TANC1: variants seen among roughly 807,000 people sequenced by gnomAD.
TANC1 encodes the protein tetratricopeptide repeat, ankyrin repeat and coiled-coil containing 1.
In TANC1, 77 loss-of-function variants were observed where a neutral mutation model predicts 149.7. The observed-to-expected ratio is 0.51, with a 90% CI of 0.43 to 0.62. TANC1 has a LOEUF of 0.62. TANC1 is among the 20% of genes least tolerant of loss of function. The pLI is 0.00. For missense variants in TANC1, 1,985 were observed against 2,321.8 expected, an observed-to-expected ratio of 0.85 and a Z score of 2.98; for synonymous variants, 854 against 925.0, an observed-to-expected ratio of 0.92 and a Z score of 1.39.
chr2:159,089,890 G>A (rs1291888410), intron 3 of TANC1, among the ~76,000 whole-genome samples: 2 of 152,198 alleles, frequency 1.3e-5, no homozygotes, highest in African/African-American at 4.8e-5. Flanking sequence ...ATGTCACTTC[G>A]AGCACATGCT....
At position 159,046,589 on chromosome 2, in the gene TANC1, CTTTTTTT is replaced by C. The variant is rs57208685; in HGVS notation, c.-15-19285_-15-19279del. Among the ~76,000 whole-genome samples, 346 of 84,378 alleles carry C rather than the reference CTTTTTTT, an allele frequency of 4.1e-3. 1 individual carries two copies. The highest frequency in any genetic ancestry group is 0.017 in the African/African-American group (308 of 18,348). 55.4% of individuals were successfully genotyped at this position (84,378 alleles called of 152,430 possible). A position where few individuals can be genotyped will look rare whatever the true frequency, so the allele number is the denominator to read the frequency against. ...ATGCACCATTCTTTTCTTTTCTTTA[CTTTTTTT>C]TTTTTTTTTTTTTTTTTTTTTGAGG... is the stretch of plus-strand genomic sequence containing the variant. On this transcript the variant is annotated intron_variant, in intron 2 of 26. Transcript: ENST00000263635.
chr2:158,978,649 C>A (rs769717959), intron 1 of TANC1, among the ~76,000 whole-genome samples: 1 of 152,128 alleles, frequency 6.6e-6, no homozygotes, highest in Non-Finnish European at 1.5e-5. Flanking sequence ...GCGATAACTC[C>A]CCAGGGTAGG....
intron 5 of TANC1, among the ~76,000 whole-genome samples, chr2:159,144,398 C>CGGAG (rs2051812168): frequency 6.6e-6 from 1 of 152,100 alleles, no homozygotes; most frequent in South Asian, 2.1e-4. Flanking sequence ...TTTTCTGAGA[C>CGGAG]GGAGTCTCGC....
chr2:159,210,974 C>G (rs1218499064), intron 19 of TANC1, among the ~76,000 whole-genome samples: 1 of 151,962 alleles, frequency 6.6e-6, no homozygotes, highest in African/African-American at 2.4e-5. Flanking sequence ...CAGGTTCAAG[C>G]GATTCTCTTG....
rs182332807 is a variant in TANC1, at chr2:159,016,539, G to A, written c.-16+15350G>A. 4.8e-4 allele frequency among the ~76,000 whole-genome samples: 72 copies of A among 151,288 alleles called. 1 individual carries two copies. Among genetic ancestry groups the A allele is most frequent in the Middle Eastern group, 6.8e-3 (2 of 294 alleles). Reference sequence around the variant, plus strand: ...TACCTTCCTCTGCCCTGTTTAATAAGTATTTTTTTTTAGTTTATATGCAGC... The same window carrying A: ...TACCTTCCTCTGCCCTGTTTAATAAATATTTTTTTTTAGTTTATATGCAGC... On this transcript the variant is annotated intron_variant, in intron 2 of 26. Transcript: ENST00000263635.
intron 22 of TANC1, among the ~76,000 whole-genome samples, chr2:159,223,142 G>A (rs1011790551): frequency 1.3e-5 from 2 of 152,132 alleles, no homozygotes; most frequent in Non-Finnish European, 2.9e-5. Context: ...CTGACCTCAG[G>A]TGATTGCCTG....
chr2:159,184,653 G>T lies in TANC1; in HGVS notation c.2511-1138G>T, dbSNP rs1450893584. Among the ~76,000 whole-genome samples, 3 of 152,124 alleles carry T rather than the reference G, an allele frequency of 2.0e-5. No individual in the cohort carries two copies. In the East Asian group the frequency reaches 5.8e-4, roughly 29 times the overall value. On this transcript the variant is annotated intron_variant, in intron 14 of 26. Coordinates refer to ENST00000263635, the MANE Select transcript of TANC1 (RefSeq NM_033394.3). ...GGGTAGGACCTGGGGAGGCCTTGGG[G>T]GCCTAGAGCACTAGAGAGATGCTGA...
At chr2:159,013,426 A>G (rs1298801850) in intron 2 of TANC1, among the ~76,000 whole-genome samples, 5 of 152,138 alleles carry the variant, frequency 3.3e-5, no homozygotes, top group South Asian at 4.1e-4. Flanking sequence ...AAAATTGGCT[A>G]TGCATTTGTT....
At chr2:159,096,115 T>C (rs879397385) in intron 3 of TANC1, among the ~76,000 whole-genome samples, 1 of 152,152 alleles carries the variant, frequency 6.6e-6, no homozygotes, top group Non-Finnish European at 1.5e-5. Context: ...ATCTTTCAAA[T>C]TCTGCTCTCT....
chr2:159,170,651 G>T lies in TANC1; in HGVS notation c.1197G>T (p.Leu399Phe), dbSNP rs375163087. ...DWLFHQIEEN[L>F]RNTELAENRG... ...TCTTTCACCAGATAGAAGAAAACTTGAGGAACACAGAACTGGCAGAAAACA... is the reference window on the plus strand; with the variant it reads ...TCTTTCACCAGATAGAAGAAAACTTTAGGAACACAGAACTGGCAGAAAACA... Residue 399 changes from leucine (L) to phenylalanine (F), a missense_variant, in exon 10 of 27, where the codon TTG (leucine) becomes TTT (phenylalanine). Physicochemically the swap from Leu to Phe is conservative, Grantham distance 22 (BLOSUM62 0). Coordinates refer to ENST00000263635, the MANE Select transcript of TANC1 (RefSeq NM_033394.3). The T allele has an allele frequency of 2.5e-5, 40 of 1,614,062 alleles. No individual in the cohort carries two copies. Among genetic ancestry groups the T allele is most frequent in the Non-Finnish European group, 3.2e-5 (38 of 1,180,050 alleles).
At chr2:158,981,535 ATATATAT>A (rs2034377975) in intron 1 of TANC1, among the ~76,000 whole-genome samples, 9 of 111,262 alleles carry the variant, frequency 8.1e-5, no homozygotes, top group African/African-American at 1.6e-4. Flanking sequence ...ATATATATAT[ATATATAT>A]AAAGAAGTAA....
intron 2 of TANC1, among the ~76,000 whole-genome samples, chr2:159,005,587 CA>C (rs1006442426): frequency 1.7e-4 from 26 of 150,708 alleles, no homozygotes; most frequent in African/African-American, 6.1e-4. Context: ...GACCTTGTCT[CA>C]AAAAAAAGTA....
chr2:159,102,154 C>A (rs965942109), intron 4 of TANC1, among the ~76,000 whole-genome samples: 1 of 152,150 alleles, frequency 6.6e-6, no homozygotes, highest in Non-Finnish European at 1.5e-5. Flanking sequence ...TGTAGAAAAT[C>A]TGGAAATCCC....
chr2:159,059,623 G>A (rs1219735290), intron 2 of TANC1, among the ~76,000 whole-genome samples: 1 of 152,176 alleles, frequency 6.6e-6, no homozygotes, highest in Non-Finnish European at 1.5e-5. Context: ...TCTGGATGAA[G>A]CATCTGGATC....
At chr2:159,101,183 A>G (rs756886211) in intron 4 of TANC1, among the ~76,000 whole-genome samples, 10 of 152,214 alleles carry the variant, frequency 6.6e-5, no homozygotes, top group Non-Finnish European at 1.3e-4. Context: ...AAACAAAAAA[A>G]CCAAACTTGT....
intron 5 of TANC1, among the ~76,000 whole-genome samples, chr2:159,143,569 A>T (rs2051698349): frequency 6.7e-6 from 1 of 148,236 alleles, no homozygotes; most frequent in African/African-American, 2.5e-5. Context: ...AAAAAAAAAA[A>T]AAAAAAAAAA....
At position 159,199,040 on chromosome 2, in the gene TANC1, G is replaced by A. The variant is rs1297275424; in HGVS notation, c.3231G>A (p.Leu1077=). Residue 1077 remains leucine, a synonymous_variant, in exon 19 of 27, where the codon TTG becomes TTA. Coordinates refer to ENST00000263635, the MANE Select transcript of TANC1 (RefSeq NM_033394.3). ...TAGAAGTCAATGGCACCGACACATT[G>A]TGGGGAGAAACAGGTAATTATAATG... ...HEVEVNGTDT[L]WGETALTAAA... The A allele has an allele frequency of 6.2e-7, 1 of 1,613,882 alleles. No homozygotes were observed. The highest frequency in any genetic ancestry group is 2.2e-5 in the East Asian group (1 of 44,864).
At chr2:159,054,714 C>A (rs1488499550) in intron 2 of TANC1, among the ~76,000 whole-genome samples, 2 of 152,116 alleles carry the variant, frequency 1.3e-5, no homozygotes, top group African/African-American at 4.8e-5. Context: ...TGATTGAGTG[C>A]CTTTTAACAC....
chr2:158,971,302 CGTT>C (rs1192461697), intron 1 of TANC1, among the ~76,000 whole-genome samples: 15 of 152,234 alleles, frequency 9.9e-5, no homozygotes, highest in African/African-American at 3.6e-4. Context: ...AACTTTATGT[CGTT>C]GTTTCCATTA....
Sources: gnomAD v4.1 joint callset for allele counts (sites outside exome capture counted in the v4.1 genomes callset) on GRCh38, gnomAD v4.1.1 for gene constraint, MANE v1.5 for transcripts, NCBI Gene and HGNC (gene_info 2026-07-23, HGNC 2026-07-21) for gene names.